DPYD: variants seen among roughly 807,000 people sequenced by gnomAD.
DPYD encodes dihydropyrimidine dehydrogenase [NADP(+)].
A neutral mutation model predicts 116.2 loss-of-function variants in DPYD; 109 were observed. The observed-to-expected ratio is 0.94, with a 90% CI of 0.80 to 1.10. The LOEUF (loss-of-function observed/expected upper bound fraction) is 1.10, where lower values mean the gene tolerates loss of function less well. DPYD is among the 50% of genes least tolerant of loss of function. DPYD has a pLI of 0.00. For missense variants in DPYD, 1,302 were observed against 1,254.5 expected (o/e 1.04, Z -0.57); for synonymous variants, 440 against 432.0 (o/e 1.02, Z -0.23).
chr1:97,343,525 C>T (rs1387418497), intron 16 of DPYD, among the ~76,000 whole-genome samples: 1 of 152,014 alleles, frequency 6.6e-6, no homozygotes, highest in Non-Finnish European at 1.5e-5. Flanking sequence ...TTGTCCTTAA[C>T]ACAGAGTAAA....
chr1:97,173,375 T>C (rs1473528310), intron 20 of DPYD, among the ~76,000 whole-genome samples: 7 of 147,116 alleles, frequency 4.8e-5, no homozygotes, highest in Non-Finnish European at 9.1e-5. Context: ...TACATATATG[T>C]GTGTATATAC....
At chr1:97,876,456 G>A (rs1472160565) in intron 2 of DPYD, among the ~76,000 whole-genome samples, 1 of 151,922 alleles carries the variant, frequency 6.6e-6, no homozygotes, top group Non-Finnish European at 1.5e-5. Context: ...TTCCCAACAT[G>A]GGGTTCCTCT....
At chr1:97,203,376 C>G (rs986782104) in intron 19 of DPYD, among the ~76,000 whole-genome samples, 61 of 150,990 alleles carry the variant, frequency 4.0e-4, no homozygotes, top group African/African-American at 1.4e-3. Flanking sequence ...TTTATCATAT[C>G]ATTCACTAAA....
At chr1:97,839,781 C>T (rs1669952324) in intron 2 of DPYD, among the ~76,000 whole-genome samples, 1 of 151,848 alleles carries the variant, frequency 6.6e-6, no homozygotes, top group South Asian at 2.1e-4. Flanking sequence ...GACAATTCAC[C>T]ACAAGTTTGT....
chr1:97,706,474 C>G (rs1263799905), intron 5 of DPYD, among the ~76,000 whole-genome samples: 1 of 152,024 alleles, frequency 6.6e-6, no homozygotes, highest in Admixed American at 6.6e-5. Flanking sequence ...GCATCATACA[C>G]AATAGTTTCT....
At chr1:97,433,070 C>T (rs1269849867) in intron 14 of DPYD, among the ~76,000 whole-genome samples, 1 of 152,166 alleles carries the variant, frequency 6.6e-6, no homozygotes, top group Non-Finnish European at 1.5e-5. Flanking sequence ...GGATATCTTT[C>T]TACTGATCTT....
chr1:97,584,347 C>T (rs1484466074), intron 10 of DPYD, among the ~76,000 whole-genome samples: 1 of 151,846 alleles, frequency 6.6e-6, no homozygotes, highest in Non-Finnish European at 1.5e-5. Flanking sequence ...AAATTTTCTC[C>T]CATTCTGTAG....
intron 21 of DPYD, among the ~76,000 whole-genome samples, chr1:97,082,951 T>A (rs1192058626): frequency 6.6e-6 from 1 of 152,142 alleles, no homozygotes; most frequent in Non-Finnish European, 1.5e-5. Context: ...AGATTTTAAT[T>A]TAAAAAGTGC....
intron 2 of DPYD, among the ~76,000 whole-genome samples, chr1:97,864,357 G>C (rs1026098521): frequency 3.3e-5 from 5 of 151,948 alleles, no homozygotes; most frequent in Non-Finnish European, 5.9e-5. Flanking sequence ...TGAAATCTTA[G>C]TTGAAGCCTG....
At chr1:97,219,747 C>A (rs981214503) in intron 19 of DPYD, among the ~76,000 whole-genome samples, 3 of 152,144 alleles carry the variant, frequency 2.0e-5, no homozygotes, top group Non-Finnish European at 4.4e-5. Flanking sequence ...CTGAGGAAAG[C>A]GACAGCTGGT....
intron 3 of DPYD, among the ~76,000 whole-genome samples, chr1:97,748,218 T>C (rs1171399143): frequency 6.6e-6 from 1 of 152,068 alleles, no homozygotes; most frequent in Non-Finnish European, 1.5e-5. Flanking sequence ...TAGAGAAACT[T>C]ATGCTGAAAG....
chr1:97,395,613 T>C (rs1199527305), intron 14 of DPYD, among the ~76,000 whole-genome samples: 2 of 152,032 alleles, frequency 1.3e-5, no homozygotes, highest in Non-Finnish European at 2.9e-5. Context: ...TCGTGGTAGA[T>C]TGTTTGAAAA....
intron 20 of DPYD, among the ~76,000 whole-genome samples, chr1:97,112,328 AC>A (rs1450207728): frequency 6.6e-6 from 1 of 152,146 alleles, no homozygotes; most frequent in Non-Finnish European, 1.5e-5. Flanking sequence ...TAGACTGCAT[AC>A]ACTGTATAAA....
intron 13 of DPYD, among the ~76,000 whole-genome samples, chr1:97,494,144 G>A (rs1679122589): frequency 6.6e-6 from 1 of 152,170 alleles, no homozygotes. Flanking sequence ...TAGTTTCACA[G>A]AGGAAAATGG....
intron 1 of DPYD, among the ~76,000 whole-genome samples, chr1:97,907,213 T>A (rs1381798879): frequency 6.6e-6 from 1 of 152,114 alleles, no homozygotes. Context: ...TTTTCAGACC[T>A]AAAACTACAA....
intron 20 of DPYD, among the ~76,000 whole-genome samples, chr1:97,138,867 C>T (rs1412630865): frequency 6.6e-6 from 1 of 152,130 alleles, no homozygotes; most frequent in Non-Finnish European, 1.5e-5. Flanking sequence ...TTATGAGTTA[C>T]TGTGCAGCAC....
At chr1:97,627,860 A>G (rs1387478804) in intron 8 of DPYD, among the ~76,000 whole-genome samples, 1 of 151,728 alleles carries the variant, frequency 6.6e-6, no homozygotes, top group Non-Finnish European at 1.5e-5. Flanking sequence ...TATACAAAAA[A>G]TAACATTATA....
intron 16 of DPYD, among the ~76,000 whole-genome samples, chr1:97,330,853 T>C (rs143918799): frequency 7.0e-4 from 107 of 152,326 alleles, no homozygotes; most frequent in African/African-American, 2.4e-3. Flanking sequence ...TTAGAGATCA[T>C]GTATTTTTTC....
intron 16 of DPYD, among the ~76,000 whole-genome samples, chr1:97,335,290 GGAGTT>G (rs1669225573): frequency 3.1e-5 from 4 of 130,022 alleles, no homozygotes; most frequent in Admixed American, 1.6e-4. Context: ...AATCATTTAT[GGAGTT>G]AAGTACACAC....
Sources: allele counts gnomAD v4.1 joint callset (sites outside exome capture counted in the v4.1 genomes callset), GRCh38; gene constraint gnomAD v4.1.1; transcripts MANE v1.5; gene names NCBI Gene and HGNC (gene_info 2026-07-23, HGNC 2026-07-21).